STXBP5L: variants seen among roughly 807,000 people sequenced by gnomAD.
The protein encoded by STXBP5L is syntaxin-binding protein 5-like.
A neutral mutation model predicts 144.5 loss-of-function variants in STXBP5L; 65 were observed. The ratio of observed to expected loss-of-function variants is 0.45; its 90% CI spans 0.37 to 0.55. The LOEUF (loss-of-function observed/expected upper bound fraction) is 0.55, where lower values mean the gene tolerates loss of function less well. Among genes scored for constraint, STXBP5L ranks in the 20% least tolerant of loss-of-function variants. The pLI, the probability that STXBP5L is intolerant of heterozygous loss-of-function variation, is 0.00. For synonymous variants in STXBP5L, 505 were observed against 469.6 expected, an observed-to-expected ratio of 1.08 and a Z score of -0.97; for missense variants, 1,298 against 1,405.5, an observed-to-expected ratio of 0.92 and a Z score of 1.22.
intron 3 of STXBP5L, among the ~76,000 whole-genome samples, chr3:121,008,526 T>A (rs981176603): frequency 1.3e-5 from 2 of 152,014 alleles, no homozygotes; most frequent in Non-Finnish European, 1.5e-5. Flanking sequence ...TTACAACTAA[T>A]GGGGATACAA....
intron 3 of STXBP5L, among the ~76,000 whole-genome samples, chr3:121,005,050 A>G (rs1269521172): frequency 6.6e-6 from 1 of 152,134 alleles, no homozygotes; most frequent in Non-Finnish European, 1.5e-5. Flanking sequence ...TGGTATCAGG[A>G]TAATGCTGGC....
At chr3:121,267,303 A>C (rs1419606752) in intron 18 of STXBP5L, among the ~76,000 whole-genome samples, 1 of 152,252 alleles carries the variant, frequency 6.6e-6, no homozygotes, top group African/African-American at 2.4e-5. Flanking sequence ...GAAAACAAGC[A>C]ATGGTGAAAG....
chr3:121,409,668 G>A (rs900307501), intron 23 of STXBP5L, among the ~76,000 whole-genome samples: 2 of 151,918 alleles, frequency 1.3e-5, no homozygotes, highest in African/African-American at 4.8e-5. Flanking sequence ...TTCATGATAT[G>A]TGAAAATTAT....
chr3:121,008,727 C>T (rs1021405522), intron 3 of STXBP5L, among the ~76,000 whole-genome samples: 8 of 151,880 alleles, frequency 5.3e-5, no homozygotes, highest in Non-Finnish European at 8.8e-5. Context: ...GTAATGTGTC[C>T]TTTATTTCAT....
intron 9 of STXBP5L, among the ~76,000 whole-genome samples, chr3:121,205,514 T>A (rs1474704003): frequency 6.6e-6 from 1 of 152,194 alleles, no homozygotes; most frequent in Non-Finnish European, 1.5e-5. Flanking sequence ...TTCCAACACA[T>A]GAATTTTGGG....
In STXBP5L at chr3:120,963,151, C is replaced by A. The variant is rs1220758413; in HGVS notation, c.287+8114C>A. On this transcript the variant is annotated intron_variant, in intron 3 of 26. Coordinates refer to ENST00000471454, the MANE Select transcript of STXBP5L (RefSeq NM_001308330.2). ...GTATCCTGAGACTTTGCTGAAGTTG[C>A]TTATCAGCTTAAGGAGATTTTGGGC... is the stretch of plus-strand genomic sequence containing the variant. Among the ~76,000 whole-genome samples, 9 of 152,300 alleles carry A rather than the reference C, an allele frequency of 5.9e-5. No homozygotes were observed. In the South Asian group the frequency reaches 1.9e-3, roughly 32 times the overall value.
chr3:121,243,077 C>T (rs1249754884), intron 14 of STXBP5L, among the ~76,000 whole-genome samples: 1 of 152,132 alleles, frequency 6.6e-6, no homozygotes, highest in Non-Finnish European at 1.5e-5. Context: ...ATGGCTTCAC[C>T]TTTACTCATG....
intron 3 of STXBP5L, among the ~76,000 whole-genome samples, chr3:121,017,691 T>C (rs1252594321): frequency 1.3e-5 from 2 of 152,120 alleles, no homozygotes; most frequent in Non-Finnish European, 2.9e-5. Context: ...CTAAAATAAC[T>C]GAAATACTTA....
At chr3:121,052,042 A>G (rs147432841) in intron 5 of STXBP5L, among the ~76,000 whole-genome samples, 5,245 of 152,288 alleles carry the variant, frequency 0.034, 331 homozygotes, top group Admixed American at 0.17. Flanking sequence ...GAGACGTTGA[A>G]TATCTGAATA....
chr3:121,134,724 AG>A (rs2045164251), intron 7 of STXBP5L, among the ~76,000 whole-genome samples: 1 of 152,168 alleles, frequency 6.6e-6, no homozygotes, highest in Non-Finnish European at 1.5e-5. Context: ...GTCCCTGCAA[AG>A]GACATGAACT....
intron 20 of STXBP5L, among the ~76,000 whole-genome samples, chr3:121,365,568 C>T (rs1356762323): frequency 6.6e-6 from 1 of 151,624 alleles, no homozygotes; most frequent in Non-Finnish European, 1.5e-5. Context: ...TACAAATGTT[C>T]ATAATACTAT....
At chr3:121,194,700 G>C (rs1309786142) in intron 9 of STXBP5L, among the ~76,000 whole-genome samples, 2 of 151,902 alleles carry the variant, frequency 1.3e-5, no homozygotes, top group Non-Finnish European at 1.5e-5. Flanking sequence ...TCTGGGCCTG[G>C]GCTATTCTTT....
intron 20 of STXBP5L, among the ~76,000 whole-genome samples, chr3:121,365,184 C>T (rs191996031): frequency 1.3e-5 from 2 of 151,750 alleles, no homozygotes; most frequent in South Asian, 2.1e-4. Flanking sequence ...GAGTATTTTG[C>T]ATCACTGTTC....
chr3:121,155,629 C>T (rs938923054), intron 8 of STXBP5L, among the ~76,000 whole-genome samples: 2 of 151,504 alleles, frequency 1.3e-5, no homozygotes, highest in African/African-American at 2.4e-5. Flanking sequence ...TCTGAGCCCC[C>T]CTCCCTTTTT....
intron 9 of STXBP5L, among the ~76,000 whole-genome samples, chr3:121,181,443 T>C (rs2047148694): frequency 6.6e-6 from 1 of 152,180 alleles, no homozygotes; most frequent in Admixed American, 6.5e-5. Flanking sequence ...GGATAAAACC[T>C]CACCAACCGG....
intron 22 of STXBP5L, among the ~76,000 whole-genome samples, chr3:121,383,322 A>G (rs2046360083): frequency 1.3e-5 from 2 of 152,004 alleles, no homozygotes; most frequent in Middle Eastern, 3.4e-3. Flanking sequence ...TGCCTGAGCC[A>G]GAAGGATGAG....
intron 3 of STXBP5L, among the ~76,000 whole-genome samples, chr3:120,993,840 T>C (rs1236255407): frequency 6.6e-6 from 1 of 152,002 alleles, no homozygotes; most frequent in Non-Finnish European, 1.5e-5. Flanking sequence ...GAGAATATCA[T>C]TGATTTTTTT....
At chr3:121,151,292 G>A (rs974362116) in intron 7 of STXBP5L, among the ~76,000 whole-genome samples, 2 of 152,020 alleles carry the variant, frequency 1.3e-5, no homozygotes, top group Non-Finnish European at 2.9e-5. Flanking sequence ...TTTACTTCAA[G>A]TTAACATGTA....
At chr3:121,177,632 T>C (rs568067331) in intron 9 of STXBP5L, among the ~76,000 whole-genome samples, 1 of 152,256 alleles carries the variant, frequency 6.6e-6, no homozygotes, top group Admixed American at 6.5e-5. Context: ...AAATAACAAA[T>C]GTTAGCAAGA....
Sources: allele counts gnomAD v4.1 joint callset (sites outside exome capture counted in the v4.1 genomes callset), GRCh38; gene constraint gnomAD v4.1.1; transcripts MANE v1.5; gene names NCBI Gene and HGNC (gene_info 2026-07-23, HGNC 2026-07-21).